The following HFM1 variants were observed in gnomAD, a reference collection of about 807,000 sequenced individuals.
HFM1 encodes the protein probable ATP-dependent DNA helicase HFM1.
HFM1 carries 169 observed loss-of-function variants against 192.1 expected under a neutral mutation model. That is an observed-to-expected ratio of 0.88 (90% confidence interval 0.78 to 1.00). HFM1 has a LOEUF of 1.00. Ranked by LOEUF, HFM1 falls within the 50% of genes least tolerant of loss-of-function variation. The pLI, the probability that HFM1 is intolerant of heterozygous loss-of-function variation, is 0.00. For missense variants in HFM1, 1,661 were observed against 1,668.0 expected, an observed-to-expected ratio of 1.00 and a Z score of 0.07; for synonymous variants, 525 against 537.8, an observed-to-expected ratio of 0.98 and a Z score of 0.33.
At chr1:91,350,902 T>C in intron 17 of HFM1, 31 bp from the exon 18 acceptor site, 2 of 1,524,062 alleles carry the variant, frequency 1.3e-6, no homozygotes, top group South Asian at 2.5e-5. Flanking sequence ...ATTATGAATA[T>C]GCAGTTCAAT....
intron 20 of HFM1, among the ~76,000 whole-genome samples, chr1:91,327,504 A>G (rs1218192542): frequency 1.3e-5 from 2 of 152,166 alleles, no homozygotes; most frequent in Non-Finnish European, 2.9e-5. Flanking sequence ...TTAGAGATAA[A>G]GAGAGAGATA....
chr1:91,390,458 AAAGGAAGG>A (rs200104115), intron 4 of HFM1, among the ~76,000 whole-genome samples: 1 of 151,002 alleles, frequency 6.6e-6, no homozygotes, highest in African/African-American at 2.4e-5. Flanking sequence ...AGAGAGAAAG[AAAGGAAGG>A]AAGGAAGGAA....
intron 13 of HFM1, among the ~76,000 whole-genome samples, chr1:91,358,525 G>C (rs1275761334): frequency 6.6e-6 from 1 of 151,818 alleles, no homozygotes; most frequent in South Asian, 2.1e-4. Context: ...TTTTCCATTA[G>C]GGCACCAAAA....
chr1:91,405,609 C>T (rs1020104847), upstream of HFM1, among the ~76,000 whole-genome samples: 4 of 152,150 alleles, frequency 2.6e-5, no homozygotes, highest in Non-Finnish European at 5.9e-5. Context: ...AAAGACCCAA[C>T]CTTTAAGTCT....
intron 13 of HFM1, among the ~76,000 whole-genome samples, chr1:91,363,554 T>C (rs1387345498): frequency 6.7e-6 from 1 of 148,584 alleles, no homozygotes; most frequent in Admixed American, 6.7e-5. Flanking sequence ...GCTGGCGAGG[T>C]TGCAGAGAAA....
intron 18 of HFM1, among the ~76,000 whole-genome samples, chr1:91,347,768 A>C (rs904363574): frequency 7.9e-5 from 12 of 152,194 alleles, no homozygotes; most frequent in African/African-American, 2.9e-4. Flanking sequence ...TCCTAGGAAA[A>C]TATGTTTGGT....
At chr1:91,289,610 G>C (rs1308403467) in intron 30 of HFM1, among the ~76,000 whole-genome samples, 2 of 152,156 alleles carry the variant, frequency 1.3e-5, no homozygotes, top group Non-Finnish European at 2.9e-5. Context: ...CTGCAATCCT[G>C]GCACCTTGGG....
At position 91,379,162 on chromosome 1, in the gene HFM1, T is replaced by C. The variant is rs1469011402; in HGVS notation, c.1059A>G (p.Lys353=). The change falls in exon 9 of 39, where the codon AAA becomes AAG. Residue 353 remains lysine, a synonymous_variant. Transcript: ENST00000370425. The part of the protein sequence containing the change: ...CSQRFDDWKE[K]FGPIGLNCKE... Reference sequence around the variant, plus strand: ...TACAATTCAATCCTATTGGTCCAAATTTTTCTTTCCAGTCATCAAAACGCT... The same window carrying C: ...TACAATTCAATCCTATTGGTCCAAACTTTTCTTTCCAGTCATCAAAACGCT... 2 of 1,609,874 alleles carry C rather than the reference T, an allele frequency of 1.2e-6. No individual in the cohort carries two copies. Among genetic ancestry groups the C allele is most frequent in the Non-Finnish European group, 1.7e-6 (2 of 1,177,794 alleles).
At chr1:91,280,982 G>C (rs567205704) in intron 30 of HFM1, among the ~76,000 whole-genome samples, 3 of 152,174 alleles carry the variant, frequency 2.0e-5, no homozygotes, top group Non-Finnish European at 4.4e-5. Context: ...ACCTTCTAGG[G>C]GATGCTAATG....
At chr1:91,325,570 C>T (rs916437590) in intron 20 of HFM1, among the ~76,000 whole-genome samples, 7 of 152,168 alleles carry the variant, frequency 4.6e-5, no homozygotes, top group South Asian at 4.1e-4. Flanking sequence ...GGTAGGTCTA[C>T]GAATCTGCAA....
chr1:91,308,366 G>T (rs1413845691), intron 30 of HFM1, among the ~76,000 whole-genome samples: 1 of 151,964 alleles, frequency 6.6e-6, no homozygotes, highest in Non-Finnish European at 1.5e-5. Flanking sequence ...TGAATCTAAT[G>T]TTAAGCCTAC....
At chr1:91,330,753 A>G (rs1275419703) in intron 20 of HFM1, among the ~76,000 whole-genome samples, 2 of 152,208 alleles carry the variant, frequency 1.3e-5, no homozygotes, top group African/African-American at 4.8e-5. Flanking sequence ...AAAACCCTCA[A>G]CAAAATACTA....
intron 21 of HFM1, among the ~76,000 whole-genome samples, chr1:91,324,460 G>T (rs1026264451): frequency 6.6e-6 from 1 of 152,116 alleles, no homozygotes; most frequent in Non-Finnish European, 1.5e-5. Flanking sequence ...AGTTTTCTTA[G>T]CTCTGATAAG....
chr1:91,361,130 A>C (rs1014909700), intron 13 of HFM1, among the ~76,000 whole-genome samples: 17 of 152,126 alleles, frequency 1.1e-4, no homozygotes, highest in African/African-American at 4.1e-4. Flanking sequence ...ATCTCAACTA[A>C]AAGAACTAGA....
At chr1:91,293,862 T>C (rs1488991391) in intron 30 of HFM1, among the ~76,000 whole-genome samples, 2 of 149,826 alleles carry the variant, frequency 1.3e-5, no homozygotes, top group African/African-American at 4.9e-5. Flanking sequence ...TGGAATACTA[T>C]GCAGCCATAA....
intron 30 of HFM1, among the ~76,000 whole-genome samples, chr1:91,308,293 C>T (rs1477650968): frequency 6.6e-6 from 1 of 151,882 alleles, no homozygotes; most frequent in Non-Finnish European, 1.5e-5. Context: ...TATCTCTGGG[C>T]TTCAATTTAG....
rs143834814 is a variant in HFM1, at chr1:91,320,653, G to C, written c.2583-1263C>G. Reference sequence around the variant, plus strand: ...CCTGTCAGAAATCTTATTTCAAGAAGCAGTAATAAAACAGGGATAGGAGGA... The same window carrying C: ...CCTGTCAGAAATCTTATTTCAAGAACCAGTAATAAAACAGGGATAGGAGGA... On this transcript the variant is annotated intron_variant, in intron 23 of 38. Transcript: ENST00000370425. 1.3e-3 allele frequency among the ~76,000 whole-genome samples: 194 copies of C among 152,270 alleles called. 1 individual carries two copies. The highest frequency in any genetic ancestry group is 4.3e-3 in the African/African-American group (180 of 41,552).
At chr1:91,392,072 G>C (rs1663063414) in intron 4 of HFM1, among the ~76,000 whole-genome samples, 1 of 152,144 alleles carries the variant, frequency 6.6e-6, no homozygotes, top group Non-Finnish European at 1.5e-5. Flanking sequence ...AGTTAGAATG[G>C]TGATCATTAA....
intron 1 of HFM1, 53 bp downstream of exon 1, chr1:91,404,745 C>A: frequency 7.1e-6 from 3 of 420,176 alleles, no homozygotes; most frequent in Non-Finnish European, 4.8e-6. Flanking sequence ...TCCCCGCGGG[C>A]GTCGGGCCCC....
Sources: allele counts gnomAD v4.1 joint callset (sites outside exome capture counted in the v4.1 genomes callset), GRCh38; gene constraint gnomAD v4.1.1; transcripts MANE v1.5; gene names NCBI Gene and HGNC (gene_info 2026-07-23, HGNC 2026-07-21).